The following PSMA1 variants were observed in gnomAD, a reference collection of about 807,000 sequenced individuals.
PSMA1 encodes proteasome 20S subunit alpha 1, also known as proteasome subunit alpha type-1.
In PSMA1, 3 loss-of-function variants were observed where a neutral mutation model predicts 38.4. The observed-to-expected ratio is 0.08, with a 90% CI of 0.04 to 0.20. The LOEUF is 0.20. PSMA1 is among the 10% of genes least tolerant of loss of function. The probability of loss-of-function intolerance (pLI) is 1.00; values close to 1 mark genes in which losing one functional copy is unlikely to be tolerated. For synonymous variants in PSMA1, 101 were observed against 107.1 expected (o/e 0.94, Z 0.35); for missense variants, 227 against 325.3 (o/e 0.70, Z 2.32).
At chr11:14,548,093 T>C (rs1009901946) in intron 2 of PSMA1, among the ~76,000 whole-genome samples, 1 of 152,060 alleles carries the variant, frequency 6.6e-6, no homozygotes, top group Non-Finnish European at 1.5e-5. Context: ...TAATAGCTGA[T>C]GTTTATATAG....
chr11:14,625,836 C>A (rs761666390), intron 1 of PSMA1, among the ~76,000 whole-genome samples: 1 of 152,192 alleles, frequency 6.6e-6, no homozygotes, highest in Non-Finnish European at 1.5e-5. Context: ...CAATAAGTCA[C>A]TTGCACGTCT....
chr11:14,635,907 C>T (rs1354552587), intron 1 of PSMA1, among the ~76,000 whole-genome samples: 2 of 152,108 alleles, frequency 1.3e-5, no homozygotes, highest in Non-Finnish European at 2.9e-5. Flanking sequence ...ACTATGAATA[C>T]AAAATAAGTG....
At chr11:14,580,306 C>T (rs777845100) in intron 2 of PSMA1, among the ~76,000 whole-genome samples, 4 of 152,208 alleles carry the variant, frequency 2.6e-5, no homozygotes, top group South Asian at 2.1e-4. Flanking sequence ...TTCTCAAACA[C>T]GTCTTATCCT....
upstream of PSMA1, among the ~76,000 whole-genome samples, chr11:14,524,104 T>C (rs1332482656): frequency 2.6e-5 from 2 of 76,758 alleles, no homozygotes; most frequent in Admixed American, 2.2e-4. Context: ...AGCAAGACCC[T>C]GTCTCAAAAA....
At chr11:14,537,024 A>T (rs187938460) in intron 2 of PSMA1, among the ~76,000 whole-genome samples, 1 of 152,240 alleles carries the variant, frequency 6.6e-6, no homozygotes, top group Non-Finnish European at 1.5e-5. Context: ...TGGAAGGAGT[A>T]TGCTTACAAA....
At chr11:14,535,206 G>A (rs1215072920) in intron 2 of PSMA1, among the ~76,000 whole-genome samples, 1 of 150,378 alleles carries the variant, frequency 6.6e-6, no homozygotes, top group Non-Finnish European at 1.5e-5. Flanking sequence ...AGAGCAATCT[G>A]GAATTAATAG....
At chr11:14,582,802 A>G (rs1006322985) in intron 2 of PSMA1, among the ~76,000 whole-genome samples, 4 of 151,454 alleles carry the variant, frequency 2.6e-5, no homozygotes, top group Admixed American at 1.3e-4. Context: ...AAGTGTTAGG[A>G]TTACAGGCGT....
intron 9 of PSMA1, among the ~76,000 whole-genome samples, chr11:14,505,593 T>G (rs1037263855): frequency 2.0e-5 from 3 of 152,014 alleles, no homozygotes; most frequent in South Asian, 4.1e-4. Context: ...TGAAGCTTTT[T>G]TTTGTTTGTT....
At chr11:14,626,858 T>C (rs1852918550) in intron 1 of PSMA1, among the ~76,000 whole-genome samples, 1 of 152,214 alleles carries the variant, frequency 6.6e-6, no homozygotes, top group East Asian at 1.9e-4. Flanking sequence ...TAACTCACTG[T>C]ATTACTCTAC....
At chr11:14,563,759 T>C (rs1360299270) in intron 2 of PSMA1, among the ~76,000 whole-genome samples, 1 of 152,220 alleles carries the variant, frequency 6.6e-6, no homozygotes, top group African/African-American at 2.4e-5. Flanking sequence ...TTGTTGTCTT[T>C]TCCTCTCCTA....
At chr11:14,561,076 C>A (rs1381283671) in intron 2 of PSMA1, among the ~76,000 whole-genome samples, 1 of 152,086 alleles carries the variant, frequency 6.6e-6, no homozygotes, top group Non-Finnish European at 1.5e-5. Context: ...GAACACATAT[C>A]ACTTCGTTGC....
intron 1 of PSMA1, among the ~76,000 whole-genome samples, chr11:14,615,210 C>T (rs980670154): frequency 1.3e-5 from 2 of 152,224 alleles, no homozygotes; most frequent in Non-Finnish European, 2.9e-5. Context: ...CAAATATAAC[C>T]TCCTTTAAAA....
chr11:14,510,893 T>G lies in PSMA1; in HGVS notation c.603A>C (p.Ala201=). ...TTACCTTTGTAGTCAGGTCCTGTTC[T>G]GCAGGAAGCGTCTCTCTTAAGGCAC... is the stretch of plus-strand genomic sequence containing the variant. ...GLRALRETLP[A]EQDLTTKNVS... Residue 201 remains alanine, a synonymous_variant, in exon 8 of 10, where the codon GCA becomes GCC. Coordinates refer to ENST00000396394, the MANE Select transcript of PSMA1 (RefSeq NM_002786.4). The G allele has an allele frequency of 6.2e-7, 1 of 1,608,486 alleles. No individual in the cohort carries two copies. Among genetic ancestry groups the G allele is most frequent in the Non-Finnish European group, 8.5e-7 (1 of 1,177,080 alleles).
intron 1 of PSMA1, among the ~76,000 whole-genome samples, chr11:14,624,968 A>G (rs925424408): frequency 6.6e-6 from 1 of 152,206 alleles, no homozygotes; most frequent in African/African-American, 2.4e-5. Context: ...AGGTGGGAGA[A>G]GTTAAGTACC....
intron 1 of PSMA1, among the ~76,000 whole-genome samples, chr11:14,631,846 G>C (rs1475511961): frequency 6.6e-6 from 1 of 150,744 alleles, no homozygotes; most frequent in Non-Finnish European, 1.5e-5. Flanking sequence ...GAATCTTGGT[G>C]CTCCTGTATT....
At position 14,534,891 on chromosome 11, in the gene PSMA1, C is replaced by T. The variant is rs1359954031; in HGVS notation, c.22-15850G>A. ...AGGAATTCAAGACCAGCCTGGCCAA[C>T]ATGGCAAAACCCCGTCTCTACTAAA... is the stretch of plus-strand genomic sequence containing the variant. On this transcript the variant is annotated intron_variant, in intron 2 of 10. Transcript: ENST00000418988. This position sits in a 1 kb window ranked among gnomAD's most constrained non-coding sequence, Gnocchi z 4.5. Among the ~76,000 whole-genome samples, 1 of 152,152 alleles carries T rather than the reference C, an allele frequency of 6.6e-6. No homozygotes were observed. Among genetic ancestry groups the T allele is most frequent in the Non-Finnish European group, 1.5e-5 (1 of 68,018 alleles).
intron 2 of PSMA1, among the ~76,000 whole-genome samples, chr11:14,573,286 CA>C (rs1181261140): frequency 6.6e-6 from 1 of 152,138 alleles, no homozygotes; most frequent in East Asian, 1.9e-4. Flanking sequence ...AAACCGAATC[CA>C]GCAGCACATC....
At chr11:14,564,399 A>T (rs190743663) in intron 2 of PSMA1, among the ~76,000 whole-genome samples, 25 of 152,304 alleles carry the variant, frequency 1.6e-4, no homozygotes, top group East Asian at 1.5e-3. Context: ...TTGTTGAGTA[A>T]TATTCCACAA....
intron 2 of PSMA1, among the ~76,000 whole-genome samples, chr11:14,530,901 C>CAAAAA (rs10670662): frequency 9.3e-6 from 1 of 107,984 alleles, no homozygotes; most frequent in African/African-American, 3.6e-5. Flanking sequence ...GACTCCGTCT[C>CAAAAA]AAAAAAAAAA....
Sources: gnomAD v4.1 joint callset for allele counts (sites outside exome capture counted in the v4.1 genomes callset) on GRCh38, gnomAD v4.1.1 for gene constraint, Gnocchi (gnomAD v3.1) non-coding constraint, MANE v1.5 for transcripts, NCBI Gene and HGNC (gene_info 2026-07-23, HGNC 2026-07-21) for gene names.